Variants in GBF1 observed in about 807,000 individuals in gnomAD.
GBF1 encodes the protein golgi brefeldin A resistant guanine nucleotide exchange factor 1, also known as Golgi-specific brefeldin A-resistance guanine nucleotide exchange factor 1.
A neutral mutation model predicts 210.5 loss-of-function variants in GBF1; 114 were observed. The ratio of observed to expected loss-of-function variants is 0.54; its 90% CI spans 0.47 to 0.63. The LOEUF (loss-of-function observed/expected upper bound fraction) is 0.63, where lower values mean the gene tolerates loss of function less well. GBF1 is among the 30% of genes least tolerant of loss of function. GBF1 has a pLI of 0.00. For missense variants in GBF1, 1,851 were observed against 2,357.7 expected (o/e 0.79, Z 4.45); for synonymous variants, 850 against 889.2 (o/e 0.96, Z 0.78).
intron 3 of GBF1, among the ~76,000 whole-genome samples, chr10:102,334,163 A>T (rs1438489071): frequency 6.6e-6 from 1 of 152,216 alleles, no homozygotes; most frequent in Admixed American, 6.5e-5. Context: ...AGAGAGAAGT[A>T]GACTCTGAGG....
Position 102,287,344 on chromosome 10 carries a change from C to A in GBF1, c.163+27228C>A, listed in dbSNP as rs144212248. ...CACACAGTTTCTTTTATTTTATTTT[C>A]TTTTTTTTTTTTTTTTTTTTTTTTT... On this transcript the variant is annotated intron_variant, in intron 3 of 39. Coordinates refer to ENST00000369983, the MANE Select transcript of GBF1 (RefSeq NM_001377137.1). Among the ~76,000 whole-genome samples the A allele has an allele frequency of 5.9e-3, 408 of 69,516 alleles. 2 individuals carry two copies. Among genetic ancestry groups the A allele is most frequent in the Non-Finnish European group, 7.0e-3 (281 of 40,266 alleles). The allele number at this position is 69,516 out of a possible 152,430, so 45.6% of individuals were successfully genotyped here.
rs140406517 is a variant in GBF1, at chr10:102,325,550, CA to C, written c.164-18485del. On this transcript the variant is annotated intron_variant, in intron 3 of 39. Coordinates refer to ENST00000369983, the MANE Select transcript of GBF1 (RefSeq NM_001377137.1). ...TGAGCGACAGAGCAAGACTCCGTCT[CA>C]AAAAAAAAAAAAAAAGAAAGAAAAA... Among the ~76,000 whole-genome samples, 663 of 96,334 alleles carry C rather than the reference CA, an allele frequency of 6.9e-3. 5 individuals carry two copies. The highest frequency in any genetic ancestry group is 0.011 in the Middle Eastern group (2 of 186). The allele number at this position is 96,334 out of a possible 152,430, so 63.2% of individuals were successfully genotyped here.
chr10:102,349,127 C>A (rs530734317), intron 4 of GBF1, among the ~76,000 whole-genome samples: 74 of 151,694 alleles, frequency 4.9e-4, no homozygotes, highest in African/African-American at 1.6e-3. Flanking sequence ...CCAGCCTGGG[C>A]GATAGAGCAA....
chr10:102,334,487 C>T (rs577286594), intron 3 of GBF1, among the ~76,000 whole-genome samples: 1 of 152,266 alleles, frequency 6.6e-6, no homozygotes, highest in South Asian at 2.1e-4. Context: ...GTGCTTGAGG[C>T]CACATGTTGA....
chr10:102,256,795 A>G (rs1213092589), intron 1 of GBF1, among the ~76,000 whole-genome samples: 1 of 152,204 alleles, frequency 6.6e-6, no homozygotes, highest in Non-Finnish European at 1.5e-5. Flanking sequence ...TACAGGCATG[A>G]GCCACAGTGC....
At chr10:102,231,568 C>G in the GBF1 span, 4 of 1,520,806 alleles carry the variant, frequency 2.6e-6, no homozygotes, top group African/African-American at 5.5e-5. Flanking sequence ...GGGTGCGAGT[C>G]GCGGGTCTGG....
Position 102,247,042 on chromosome 10 carries a change from A to G in GBF1, c.-11+1261A>G, listed in dbSNP as rs1248588638. Among the ~76,000 whole-genome samples, 7 of 152,222 alleles carry G rather than the reference A, an allele frequency of 4.6e-5. No homozygotes were observed. The East Asian group carries it at 1.3e-3, about 29-fold the overall frequency. The stretch of plus-strand genomic sequence containing the variant: ...TCAATAAACGTTATCTCTATCTGGG[A>G]TTAGTTTCAGTATGTGATCAGGACT... On this transcript the variant is annotated intron_variant, in intron 1 of 39. Transcript: ENST00000369983.
chr10:102,307,720 G>A (rs1299721439), intron 3 of GBF1, among the ~76,000 whole-genome samples: 2 of 152,126 alleles, frequency 1.3e-5, no homozygotes, highest in African/African-American at 4.8e-5. Context: ...GAACCCGGGA[G>A]GCAGAGTTGC....
At chr10:102,318,730 C>A (rs892644950) in intron 3 of GBF1, among the ~76,000 whole-genome samples, 1 of 151,980 alleles carries the variant, frequency 6.6e-6, no homozygotes. Context: ...CAGTTGTTTT[C>A]TTTTCTATTT....
intron 3 of GBF1, among the ~76,000 whole-genome samples, chr10:102,316,009 A>G (rs1382453036): frequency 1.3e-5 from 2 of 151,558 alleles, no homozygotes; most frequent in African/African-American, 2.4e-5. Flanking sequence ...TATTAGTGCT[A>G]TATCCTCTTA....
At chr10:102,258,528 T>C (rs1423760131) in intron 1 of GBF1, among the ~76,000 whole-genome samples, 1 of 149,382 alleles carries the variant, frequency 6.7e-6, no homozygotes, top group East Asian at 2.0e-4. Flanking sequence ...TCCCAGCACT[T>C]TGGGAGGCCC....
intron 1 of GBF1, among the ~76,000 whole-genome samples, chr10:102,253,538 G>A (rs144513913): frequency 6.6e-6 from 1 of 152,096 alleles, no homozygotes; most frequent in African/African-American, 2.4e-5. Context: ...TTTTGAGACA[G>A]GGTCTTACTC....
rs530590999 is a variant in GBF1, at chr10:102,252,378, A to G, written c.-10-6551A>G. Among the ~76,000 whole-genome samples the G allele has an allele frequency of 9.5e-4, 144 of 151,892 alleles. No homozygotes were observed. The South Asian group carries it at 0.028, about 30-fold the overall frequency. On this transcript the variant is annotated intron_variant, in intron 1 of 39. Coordinates refer to ENST00000369983, the MANE Select transcript of GBF1 (RefSeq NM_001377137.1). The stretch of plus-strand genomic sequence containing the variant: ...AGTGGAAAAATAAATAAATAAATAA[A>G]TAAGTGGTTTTAAGATTGTTCTTAG...
chr10:102,341,056 T>C (rs56164723), intron 3 of GBF1, among the ~76,000 whole-genome samples: 4,180 of 152,286 alleles, frequency 0.027, 76 homozygotes, highest in Admixed American at 0.034. Flanking sequence ...TAGAAATAAC[T>C]GTATCACTAC....
At chr10:102,271,298 A>G (rs938979000) in intron 3 of GBF1, among the ~76,000 whole-genome samples, 1 of 152,052 alleles carries the variant, frequency 6.6e-6, no homozygotes, top group Admixed American at 6.6e-5. Context: ...CGGCCTCCCC[A>G]AGTGCTGGAA....
At chr10:102,273,286 C>T (rs901302435) in intron 3 of GBF1, among the ~76,000 whole-genome samples, 11 of 151,940 alleles carry the variant, frequency 7.2e-5, no homozygotes, top group African/African-American at 1.7e-4. Flanking sequence ...GAGCCGAAGT[C>T]GCGCCACTGC....
intron 3 of GBF1, among the ~76,000 whole-genome samples, chr10:102,290,982 G>T (rs2076384213): frequency 6.6e-6 from 1 of 152,106 alleles, no homozygotes; most frequent in Non-Finnish European, 1.5e-5. Flanking sequence ...ATTTTCTCAA[G>T]TGTTTTACTG....
intron 8 of GBF1, among the ~76,000 whole-genome samples, chr10:102,357,691 C>G (rs1488281099): frequency 6.6e-6 from 1 of 152,074 alleles, no homozygotes; most frequent in African/African-American, 2.4e-5. Flanking sequence ...CTTACACTTT[C>G]TGCAAGAGGG....
rs1421519130 is a variant in GBF1, at chr10:102,289,513, C to T, written c.163+29397C>T. On this transcript the variant is annotated intron_variant, in intron 3 of 39. Coordinates refer to ENST00000369983, the MANE Select transcript of GBF1 (RefSeq NM_001377137.1). ...GCTAAGGCAAGAGGATCATTTGAGC[C>T]CAGGTGTTTGAGACTAGCCTGAGCA... 2.0e-5 allele frequency among the ~76,000 whole-genome samples: 3 copies of T among 152,142 alleles called. No individual in the cohort carries two copies. In the East Asian group the frequency reaches 5.8e-4, roughly 29 times the overall value.
Sources: allele counts gnomAD v4.1 joint callset (sites outside exome capture counted in the v4.1 genomes callset), GRCh38; gene constraint gnomAD v4.1.1; transcripts MANE v1.5; gene names NCBI Gene and HGNC (gene_info 2026-07-23, HGNC 2026-07-21).